The following SLC10A7 variants were observed in gnomAD, a reference collection of about 807,000 sequenced individuals.
The protein encoded by SLC10A7 is sodium/bile acid cotransporter 7.
SLC10A7 carries 29 observed loss-of-function variants against 43.2 expected under a neutral mutation model. The observed-to-expected ratio is 0.67, with a 90% CI of 0.50 to 0.92. The LOEUF is 0.92. SLC10A7 is among the 40% of genes least tolerant of loss of function. The pLI, the probability that SLC10A7 is intolerant of heterozygous loss-of-function variation, is 0.00. For missense variants in SLC10A7, 295 were observed against 403.2 expected (o/e 0.73, Z 2.30); for synonymous variants, 152 against 144.8 (o/e 1.05, Z -0.35).
At chr4:146,410,921 C>T (rs1728143556) in intron 5 of SLC10A7, among the ~76,000 whole-genome samples, 1 of 152,000 alleles carries the variant, frequency 6.6e-6, no homozygotes, top group Admixed American at 6.6e-5. Flanking sequence ...GCAACCTCCG[C>T]CTCTCCAGTT....
intron 4 of SLC10A7, among the ~76,000 whole-genome samples, chr4:146,491,451 C>A (rs1223513449): frequency 6.7e-6 from 1 of 148,920 alleles, no homozygotes; most frequent in Non-Finnish European, 1.5e-5. Context: ...GCTGTGGTCA[C>A]AAAATCAATT....
intron 5 of SLC10A7, among the ~76,000 whole-genome samples, chr4:146,355,432 C>T (rs970663962): frequency 6.6e-5 from 10 of 152,124 alleles, no homozygotes; most frequent in African/African-American, 2.4e-4. Context: ...CACGTTTACA[C>T]TGTTGGTGGG....
chr4:146,283,099 T>A, intron 10 of SLC10A7, 93 bp downstream of exon 10: 2 of 988,454 alleles, frequency 2.0e-6, no homozygotes, highest in Non-Finnish European at 3.2e-6. Context: ...AACACCCCAT[T>A]CCATTTAATT....
chr4:146,276,937 G>C (rs1040385345), intron 10 of SLC10A7, among the ~76,000 whole-genome samples: 3 of 151,524 alleles, frequency 2.0e-5, no homozygotes, highest in Non-Finnish European at 4.4e-5. Flanking sequence ...CTGAGTGAGA[G>C]TGAGACTCCA....
At chr4:146,335,245 A>T (rs1240082472) in intron 5 of SLC10A7, among the ~76,000 whole-genome samples, 2 of 116,688 alleles carry the variant, frequency 1.7e-5, no homozygotes, top group Non-Finnish European at 3.3e-5. Context: ...GTTGCCACAG[A>T]TGTTGTAAAA....
chr4:146,286,392 G>GAGTT (rs1197000920), intron 9 of SLC10A7, among the ~76,000 whole-genome samples: 145 of 150,950 alleles, frequency 9.6e-4, no homozygotes, highest in South Asian at 3.1e-3. Context: ...GAGAAGGACT[G>GAGTT]TGTTTGGAGT....
chr4:146,488,795 T>C (rs759973025), intron 4 of SLC10A7, among the ~76,000 whole-genome samples: 3 of 152,244 alleles, frequency 2.0e-5, no homozygotes, highest in Non-Finnish European at 4.4e-5. Flanking sequence ...ATATAGCCTA[T>C]TGTGTATCTT....
chr4:146,408,993 C>T (rs953288115), intron 5 of SLC10A7, among the ~76,000 whole-genome samples: 12 of 152,148 alleles, frequency 7.9e-5, no homozygotes, highest in Non-Finnish European at 1.8e-4. Flanking sequence ...TAAATTCACA[C>T]ATTCAAGGGT....
intron 11 of SLC10A7, among the ~76,000 whole-genome samples, chr4:146,258,181 A>G (rs1203950954): frequency 6.6e-6 from 1 of 152,196 alleles, no homozygotes; most frequent in East Asian, 1.9e-4. Flanking sequence ...CATTGCATGG[A>G]CTTCTTAGCT....
At chr4:146,475,764 C>G (rs1733968035) in intron 4 of SLC10A7, among the ~76,000 whole-genome samples, 2 of 152,170 alleles carry the variant, frequency 1.3e-5, no homozygotes, top group South Asian at 4.1e-4. Context: ...AAAAACCTTT[C>G]AATCCATCAC....
intron 2 of SLC10A7, among the ~76,000 whole-genome samples, chr4:146,515,458 C>A (rs902783617): frequency 6.6e-5 from 10 of 152,176 alleles, no homozygotes; most frequent in Admixed American, 4.6e-4. Flanking sequence ...CCTCTCATAT[C>A]AATATTGTTT....
intron 1 of SLC10A7, among the ~76,000 whole-genome samples, chr4:146,517,987 T>C (rs1420684180): frequency 6.6e-6 from 1 of 152,200 alleles, no homozygotes; most frequent in Non-Finnish European, 1.5e-5. Flanking sequence ...GTAATTATTA[T>C]TAAATTGTGC....
At chr4:146,392,522 C>T (rs1285448569) in intron 5 of SLC10A7, among the ~76,000 whole-genome samples, 1 of 152,092 alleles carries the variant, frequency 6.6e-6, no homozygotes, top group African/African-American at 2.4e-5. Context: ...CACACACACT[C>T]ACTCATACTC....
intron 9 of SLC10A7, among the ~76,000 whole-genome samples, chr4:146,285,118 C>G (rs1365774960): frequency 6.6e-6 from 1 of 152,152 alleles, no homozygotes; most frequent in Non-Finnish European, 1.5e-5. Flanking sequence ...ACAGATTCTT[C>G]AGGCTGACTT....
At chr4:146,293,884 T>C (rs1370394687) in intron 8 of SLC10A7, 46 bp downstream of exon 8, 1 of 1,449,642 alleles carries the variant, frequency 6.9e-7, no homozygotes, top group Non-Finnish European at 9.6e-7. Flanking sequence ...CGCGTTGCTA[T>C]TGAGGACACT....
chr4:146,304,627 A>T (rs1731412527), intron 7 of SLC10A7, among the ~76,000 whole-genome samples: 1 of 152,086 alleles, frequency 6.6e-6, no homozygotes, highest in South Asian at 2.1e-4. Context: ...GTTTGTTATA[A>T]TTTCTGCTCT....
chr4:146,407,855 CT>C (rs1012943271), intron 5 of SLC10A7, among the ~76,000 whole-genome samples: 1 of 152,114 alleles, frequency 6.6e-6, no homozygotes, highest in Non-Finnish European at 1.5e-5. Context: ...ATTGATTCCC[CT>C]TAACTCTCAG....
chr4:146,506,753 G>T lies in SLC10A7; in HGVS notation c.321-2829C>A, dbSNP rs78485854. Among the ~76,000 whole-genome samples, 1,460 of 150,294 alleles carry T rather than the reference G, an allele frequency of 9.7e-3. 20 individuals carry two copies. Among genetic ancestry groups the T allele is most frequent in the African/African-American group, 0.032 (1,298 of 40,994 alleles). ...TCTGGTGTTTTTGTTTGTTTGTTTGGTTTTTTTTTGTTTTTGTTTTTGTTT... is the reference window on the plus strand; with the variant it reads ...TCTGGTGTTTTTGTTTGTTTGTTTGTTTTTTTTTTGTTTTTGTTTTTGTTT... On this transcript the variant is annotated intron_variant, in intron 3 of 11. Transcript: ENST00000335472.
At chr4:146,335,258 A>T (rs1174006842) in intron 5 of SLC10A7, among the ~76,000 whole-genome samples, 1 of 37,342 alleles carries the variant, frequency 2.7e-5, no homozygotes, top group African/African-American at 1.0e-4. Context: ...TTGTAAAAAA[A>T]AAAAAAAAAA....
Sources: gnomAD v4.1 joint callset for allele counts (sites outside exome capture counted in the v4.1 genomes callset) on GRCh38, gnomAD v4.1.1 for gene constraint, MANE v1.5 for transcripts, NCBI Gene and HGNC (gene_info 2026-07-23, HGNC 2026-07-21) for gene names.